The following ROBO2 variants were observed in gnomAD, a reference collection of about 807,000 sequenced individuals.
ROBO2 encodes the protein roundabout guidance receptor 2.
ROBO2 carries 53 observed loss-of-function variants against 160.8 expected under a neutral mutation model. That is an observed-to-expected ratio of 0.33 (90% CI 0.26 to 0.41). ROBO2 has a LOEUF of 0.41. Ranked by LOEUF, ROBO2 falls within the 10% of genes least tolerant of loss-of-function variation. The probability of loss-of-function intolerance (pLI) is 1.00; values close to 1 mark genes in which losing one functional copy is unlikely to be tolerated. For synonymous variants in ROBO2, 664 were observed against 611.7 expected, an observed-to-expected ratio of 1.09 and a Z score of -1.26; for missense variants, 1,577 against 1,722.4, an observed-to-expected ratio of 0.92 and a Z score of 1.49.
At chr3:76,692,415 C>T (rs558127247) in intron 2 of ROBO2, among the ~76,000 whole-genome samples, 5 of 152,198 alleles carry the variant, frequency 3.3e-5, no homozygotes, top group Non-Finnish European at 5.9e-5. Flanking sequence ...TGGGCAAAAT[C>T]GCTGACTCCC....
intron 19 of ROBO2, among the ~76,000 whole-genome samples, chr3:77,600,736 A>C (rs187586734): frequency 1.3e-5 from 2 of 152,200 alleles, no homozygotes; most frequent in Non-Finnish European, 2.9e-5. Context: ...GATATACTAC[A>C]TATTAAAAGT....
intron 2 of ROBO2, among the ~76,000 whole-genome samples, chr3:76,678,021 C>G (rs1356797686): frequency 9.1e-6 from 1 of 110,190 alleles, no homozygotes; most frequent in Non-Finnish European, 1.7e-5. Context: ...CTCAGGCTGG[C>G]GTGCAGTGGC....
At chr3:76,524,731 A>T (rs2081835994) in intron 2 of ROBO2, among the ~76,000 whole-genome samples, 1 of 144,088 alleles carries the variant, frequency 6.9e-6, no homozygotes, top group Admixed American at 7.2e-5. Flanking sequence ...TATTTATTAA[A>T]TGTTGTTTCC....
intron 2 of ROBO2, among the ~76,000 whole-genome samples, chr3:76,748,918 G>T (rs1478215752): frequency 6.6e-6 from 1 of 151,728 alleles, no homozygotes; most frequent in Non-Finnish European, 1.5e-5. Flanking sequence ...ATATTAAAAA[G>T]AAAAACTAAA....
chr3:76,239,466 A>G (rs1242709921), intron 2 of ROBO2, among the ~76,000 whole-genome samples: 1 of 152,092 alleles, frequency 6.6e-6, no homozygotes, highest in Non-Finnish European at 1.5e-5. Flanking sequence ...TGATGAATTT[A>G]TTTGGGTGTA....
At chr3:76,086,857 C>A (rs1022138320) in intron 2 of ROBO2, among the ~76,000 whole-genome samples, 1 of 151,660 alleles carries the variant, frequency 6.6e-6, no homozygotes, top group African/African-American at 2.4e-5. Flanking sequence ...AAAAAAGAAT[C>A]AAAAAGAAGT....
intron 2 of ROBO2, among the ~76,000 whole-genome samples, chr3:77,279,547 G>A (rs1056725018): frequency 6.6e-6 from 1 of 151,964 alleles, no homozygotes; most frequent in African/African-American, 2.4e-5. Context: ...TTAAACCTTA[G>A]TGGACTAGTC....
At chr3:76,084,782 A>G (rs778461880) in intron 2 of ROBO2, among the ~76,000 whole-genome samples, 8 of 152,138 alleles carry the variant, frequency 5.3e-5, no homozygotes, top group Non-Finnish European at 1.2e-4. Context: ...ATGAAATCAC[A>G]TTAATAATGG....
In ROBO2 at chr3:76,798,198, AAAG is replaced by A. The variant is rs1437596433; in HGVS notation, c.110-299813_110-299811del. On this transcript the variant is annotated intron_variant, in intron 2 of 26. Transcript: ENST00000487694. The stretch of plus-strand genomic sequence containing the variant: ...AGAGAAAGAAAGAAAGAAAAAGAAG[AAAG>A]AAAGAGAAAGAGAAAAAGAAAGAAA... Among the ~76,000 whole-genome samples, 433 of 149,556 alleles carry A rather than the reference AAAG, an allele frequency of 2.9e-3. 3 individuals carry two copies. Among genetic ancestry groups the A allele is most frequent in the African/African-American group, 9.4e-3 (379 of 40,470 alleles).
At chr3:77,108,299 CAT>C (rs544760663) in intron 2 of ROBO2, among the ~76,000 whole-genome samples, 6,155 of 118,124 alleles carry the variant, frequency 0.052, 252 homozygotes, top group Middle Eastern at 0.1. Context: ...TACACATATG[CAT>C]ATATATATAT....
At chr3:77,259,392 A>G (rs1002811611) in intron 2 of ROBO2, among the ~76,000 whole-genome samples, 1 of 152,216 alleles carries the variant, frequency 6.6e-6, no homozygotes, top group Non-Finnish European at 1.5e-5. Flanking sequence ...GGCCCACAGT[A>G]TATCTTCAAT....
At chr3:76,306,636 T>C (rs2107762341) in intron 2 of ROBO2, among the ~76,000 whole-genome samples, 1 of 152,324 alleles carries the variant, frequency 6.6e-6, no homozygotes, top group Admixed American at 6.5e-5. Flanking sequence ...AACGCTGGAA[T>C]AATTTCCCAT....
intron 2 of ROBO2, among the ~76,000 whole-genome samples, chr3:77,221,698 T>C (rs7428798): frequency 0.035 from 5,353 of 152,204 alleles, 110 homozygotes; most frequent in Middle Eastern, 0.058. Context: ...ATGTAAAAAC[T>C]TGGCAGTTTG....
chr3:76,213,590 A>G (rs544102602), intron 2 of ROBO2, among the ~76,000 whole-genome samples: 1 of 152,298 alleles, frequency 6.6e-6, no homozygotes, highest in South Asian at 2.1e-4. Flanking sequence ...ATTTTTAAAT[A>G]AAGTACTAAG....
intron 2 of ROBO2, among the ~76,000 whole-genome samples, chr3:76,555,482 C>A (rs2083733623): frequency 6.7e-6 from 1 of 150,058 alleles, no homozygotes; most frequent in South Asian, 2.1e-4. Context: ...AAAATAGATC[C>A]CTCTCATCTT....
At chr3:76,751,379 G>C (rs1201279289) in intron 2 of ROBO2, among the ~76,000 whole-genome samples, 2 of 152,016 alleles carry the variant, frequency 1.3e-5, no homozygotes, top group Non-Finnish European at 2.9e-5. Flanking sequence ...ATACCATTCA[G>C]GACATAGGCA....
intron 2 of ROBO2, among the ~76,000 whole-genome samples, chr3:76,632,231 TGTCCTC>T (rs1021025601): frequency 7.9e-5 from 12 of 152,202 alleles, no homozygotes; most frequent in African/African-American, 2.7e-4. Context: ...AATCCTATAA[TGTCCTC>T]ATCTGTAAAT....
intron 2 of ROBO2, among the ~76,000 whole-genome samples, chr3:76,516,933 A>G (rs9815555): frequency 6.6e-6 from 1 of 152,094 alleles, no homozygotes. Context: ...TTTGAAAAAG[A>G]ATGTTGCTCT....
chr3:76,577,193 T>C (rs1474976547), intron 2 of ROBO2, among the ~76,000 whole-genome samples: 5 of 152,120 alleles, frequency 3.3e-5, no homozygotes, highest in Non-Finnish European at 7.4e-5. Context: ...TGTTGCTACA[T>C]GGTATCTTTT....
Sources: gnomAD v4.1 joint callset for allele counts (sites outside exome capture counted in the v4.1 genomes callset) on GRCh38, gnomAD v4.1.1 for gene constraint, MANE v1.5 for transcripts, NCBI Gene and HGNC (gene_info 2026-07-23, HGNC 2026-07-21) for gene names.